The following NSRP1 variants were observed in gnomAD, a reference collection of about 807,000 sequenced individuals.
NSRP1 encodes the protein coiled-coil domain containing 55.
A neutral mutation model predicts 54.7 loss-of-function variants in NSRP1; 24 were observed. The ratio of observed to expected loss-of-function variants is 0.44; its 90% CI spans 0.32 to 0.62. The LOEUF (loss-of-function observed/expected upper bound fraction) is 0.62. NSRP1 is among the 20% of genes least tolerant of loss of function. The probability of loss-of-function intolerance (pLI) is 0.06; values close to 1 mark genes in which losing one functional copy is unlikely to be tolerated. For synonymous variants in NSRP1, 210 were observed against 213.8 expected (o/e 0.98, Z 0.15); for missense variants, 596 against 651.2 (o/e 0.92, Z 0.92).
At chr17:30,159,005 T>C (rs1289603244) in intron 2 of NSRP1, among the ~76,000 whole-genome samples, 2 of 152,212 alleles carry the variant, frequency 1.3e-5, no homozygotes, top group African/African-American at 4.8e-5. Context: ...AAAAATATTA[T>C]TGGTATTTTG....
chr17:30,152,694 GTGTTGC>G (rs1394838061), intron 2 of NSRP1, among the ~76,000 whole-genome samples: 1 of 151,476 alleles, frequency 6.6e-6, no homozygotes, highest in Non-Finnish European at 1.5e-5. Flanking sequence ...AATTGTCTTG[GTGTTGC>G]TTTATTTACT....
At chr17:30,148,902 A>C (rs1156855440) in intron 2 of NSRP1, among the ~76,000 whole-genome samples, 1 of 152,134 alleles carries the variant, frequency 6.6e-6, no homozygotes, top group Non-Finnish European at 1.5e-5. Flanking sequence ...TATCTTATAA[A>C]ATCTTTTGAA....
In NSRP1 at chr17:30,121,860, G is replaced by T. The variant is rs192579954; in HGVS notation, c.114+3687G>T. Among the ~76,000 whole-genome samples, 437 of 152,056 alleles carry T rather than the reference G, an allele frequency of 2.9e-3. 1 individual carries two copies. The highest frequency in any genetic ancestry group is 4.5e-3 in the Non-Finnish European group (305 of 67,974). ...TGGGATTACAGGCGTGAGCCGCCGC[G>T]CCCGGCCAATTCACTGGTTTTTAAG... On this transcript the variant is annotated intron_variant, in intron 2 of 6. Transcript: ENST00000247026.
At chr17:30,132,050 C>T (rs1373358648) in intron 2 of NSRP1, among the ~76,000 whole-genome samples, 1 of 151,844 alleles carries the variant, frequency 6.6e-6, no homozygotes, top group Non-Finnish European at 1.5e-5. Context: ...AGATCAAGAC[C>T]ATCCTGGCTA....
At chr17:30,176,836 G>A (rs1461863691) in intron 3 of NSRP1, among the ~76,000 whole-genome samples, 1 of 151,978 alleles carries the variant, frequency 6.6e-6, no homozygotes, top group African/African-American at 2.4e-5. Flanking sequence ...CAATATTCTA[G>A]AAAAAAAGTT....
At chr17:30,117,930 G>A in intron 1 of NSRP1, 150 bp from the exon 2 acceptor site, 1 of 588,908 alleles carries the variant, frequency 1.7e-6, no homozygotes. Context: ...AGAATTTTGA[G>A]ATCACTGAGA....
At chr17:30,145,745 A>AT (rs970240664) in intron 2 of NSRP1, among the ~76,000 whole-genome samples, 1 of 151,568 alleles carries the variant, frequency 6.6e-6, no homozygotes, top group African/African-American at 2.4e-5. Context: ...TAGTGGATAC[A>AT]TTTTTTCCTG....
chr17:30,163,744 C>T (rs944979364), intron 2 of NSRP1, among the ~76,000 whole-genome samples: 2 of 145,556 alleles, frequency 1.4e-5, no homozygotes, highest in Non-Finnish European at 3.0e-5. Context: ...TGCAGTGGCA[C>T]GATCTCAGCT....
intron 2 of NSRP1, among the ~76,000 whole-genome samples, chr17:30,147,019 G>A (rs1270847085): frequency 6.6e-6 from 1 of 152,140 alleles, no homozygotes; most frequent in Non-Finnish European, 1.5e-5. Flanking sequence ...TCCTTAGTGG[G>A]CATTCTGACC....
In NSRP1 at chr17:30,185,277, G is replaced by GATATGAAAATA. The variant is rs1905484299; in HGVS notation, c.1283_1293dup (p.Asp432MetfsTer15). 1 of 1,601,626 alleles carries GATATGAAAATA rather than the reference G, an allele frequency of 6.2e-7. No individual in the cohort carries two copies. The highest frequency in any genetic ancestry group is 1.4e-5 in the African/African-American group (1 of 73,708). ...GAGCATATGAAAGTAAGGAAGGAAA[G>GATATGAAAATA]ATATGAAAATAATGATAAATACAGA... On this transcript the variant is annotated frameshift_variant, in exon 7 of 7. Coordinates refer to ENST00000247026, the MANE Select transcript of NSRP1 (RefSeq NM_032141.4). LOFTEE classifies it high-confidence loss of function.
At chr17:30,153,491 A>C (rs2071933139) in intron 2 of NSRP1, among the ~76,000 whole-genome samples, 1 of 152,094 alleles carries the variant, frequency 6.6e-6, no homozygotes, top group Non-Finnish European at 1.5e-5. Context: ...ACTGCCTTCA[A>C]CATAAATACC....
chr17:30,148,977 G>C (rs1415182138), intron 2 of NSRP1, among the ~76,000 whole-genome samples: 1 of 152,006 alleles, frequency 6.6e-6, no homozygotes, highest in Non-Finnish European at 1.5e-5. Context: ...CTGCCCATAT[G>C]TTTATTGCTT....
At chr17:30,173,634 C>T (rs963164967) in intron 3 of NSRP1, among the ~76,000 whole-genome samples, 3 of 152,178 alleles carry the variant, frequency 2.0e-5, no homozygotes, top group African/African-American at 7.2e-5. Flanking sequence ...TTTCTATGTG[C>T]CAGGCATCAT....
chr17:30,182,203 T>G (rs1905330299), intron 6 of NSRP1, among the ~76,000 whole-genome samples: 1 of 152,188 alleles, frequency 6.6e-6, no homozygotes, highest in African/African-American at 2.4e-5. Context: ...CTTATATACA[T>G]GTTCAGATAG....
chr17:30,137,488 T>C (rs2071760506), intron 2 of NSRP1, among the ~76,000 whole-genome samples: 1 of 152,208 alleles, frequency 6.6e-6, no homozygotes, highest in African/African-American at 2.4e-5. Context: ...ATGTTGCATA[T>C]AGGTACTGTG....
chr17:30,118,197 G>C, intron 2 of NSRP1, 24 bp downstream of exon 2: 1 of 1,565,734 alleles, frequency 6.4e-7, no homozygotes, highest in South Asian at 1.1e-5. Flanking sequence ...TGTTTTACTC[G>C]TGCATGGTTG....
intron 2 of NSRP1, among the ~76,000 whole-genome samples, chr17:30,136,458 C>T (rs1037643576): frequency 5.3e-5 from 8 of 152,020 alleles, no homozygotes; most frequent in African/African-American, 9.7e-5. Flanking sequence ...TATGGCTTTA[C>T]GTGTTTGATA....
At chr17:30,130,971 A>G (rs4427857) in intron 2 of NSRP1, among the ~76,000 whole-genome samples, 84,867 of 152,068 alleles carry the variant, frequency 0.56, 24,481 homozygotes, top group East Asian at 0.82. Context: ...CACTGCCTTT[A>G]TGGCACTTAT....
chr17:30,128,288 A>C (rs1044121147), intron 2 of NSRP1: 1 of 151,964 alleles, frequency 6.6e-6, no homozygotes, highest in African/African-American at 2.4e-5. Flanking sequence ...TAGCAGAAAA[A>C]AAAGAGGAAA....
Sources: allele counts gnomAD v4.1 joint callset (sites outside exome capture counted in the v4.1 genomes callset), GRCh38; gene constraint gnomAD v4.1.1; transcripts MANE v1.5; gene names NCBI Gene and HGNC (gene_info 2026-07-23, HGNC 2026-07-21).